Variants in ERCC6L observed in about 807,000 individuals in gnomAD.
The protein encoded by ERCC6L is ERCC excision repair 6 like, spindle assembly checkpoint helicase, also known as DNA excision repair protein ERCC-6-like.
A neutral mutation model predicts 20.1 loss-of-function variants in ERCC6L; 7 were observed. The ratio of observed to expected loss-of-function variants is 0.35; its 90% CI spans 0.20 to 0.65. The LOEUF is 0.65. ERCC6L is among the 30% of genes least tolerant of loss of function. ERCC6L has a pLI of 0.69. For missense variants in ERCC6L, 592 were observed against 892.4 expected, an observed-to-expected ratio of 0.66 and a Z score of 4.29; for synonymous variants, 278 against 331.3, an observed-to-expected ratio of 0.84 and a Z score of 1.75.
Position 72,218,703 on chromosome X carries a change from C to T in ERCC6L, c.69-10005G>A, listed in dbSNP as rs185897108. Among the ~76,000 whole-genome samples, 748 of 110,495 alleles carry T rather than the reference C, an allele frequency of 6.8e-3. 11 individuals are homozygous for T. The highest frequency in any genetic ancestry group is 0.021 in the African/African-American group (643 of 30,394). ...AGAGACGGGGTTTCACCATGTTGGC[C>T]GGGCTGGTAGCTCATCAATTTCTAC... On this transcript the variant is annotated intron_variant, in intron 1 of 1. Coordinates refer to ENST00000334463, the MANE Select transcript of ERCC6L (RefSeq NM_017669.4).
chrX:72,217,243 A>C (rs1358966641), intron 1 of ERCC6L, among the ~76,000 whole-genome samples: 6 of 111,445 alleles, frequency 5.4e-5, no homozygotes, highest in Admixed American at 1.9e-4. Flanking sequence ...GGAGTTCAAC[A>C]ACCCTGCCTG....
rs2042899102 is a variant in ERCC6L, at chrX:72,218,307, T to C, written c.69-9609A>G. 2.8e-5 allele frequency among the ~76,000 whole-genome samples: 3 copies of C among 108,272 alleles called. 1 individual carries two copies. The highest frequency in any genetic ancestry group is 4.1e-4 in the South Asian group (1 of 2,431). The allele number at this position is 108,272 out of a possible 115,157, so 94.0% of individuals were successfully genotyped here. A position where few individuals can be genotyped will look rare whatever the true frequency, so the allele number is the denominator to read the frequency against. ...AAAATTAATAATAGAGATGGGGTAT[T>C]GCCATGTTGCCCAGGCTGGTCTCAA... On this transcript the variant is annotated intron_variant, in intron 1 of 1. Transcript: ENST00000334463.
chrX:72,208,463 C>G lies in ERCC6L; in HGVS notation c.304G>C (p.Glu102Gln), dbSNP rs2042833839. 5.8e-6 allele frequency: 7 copies of G among 1,211,633 alleles called. No individual in the cohort carries two copies. Among genetic ancestry groups the G allele is most frequent in the Non-Finnish European group, 7.8e-6 (7 of 895,387 alleles). Residue 102 changes from glutamate to glutamine, a missense_variant, in exon 2 of 2, where the codon GAA (glutamate) becomes CAA (glutamine). Transcript: ENST00000334463. The stretch of plus-strand genomic sequence containing the variant: ...AGGCTATAGAGGAAAGCTATGCCTT[C>G]CTTCTGGTGCTCAAAGAGTTGGTTG... ...LHNQLFEHQK[E>Q]GIAFLYSLYR... is the part of the protein sequence containing the mutation.
Position 72,206,624 on chromosome X carries a change from T to C in ERCC6L, c.2143A>G (p.Lys715Glu), listed in dbSNP as rs2042822170. ...QFLVEFESQN[K>E]EFLMEQQRTR... is the part of the protein sequence containing the mutation. ...CTTTGTTGTTCCATCAGGAACTCTT[T>C]ATTTTGAGACTCGAATTCAACGAGG... The change falls in exon 2 of 2, where the codon AAA becomes GAA. Residue 715 changes from lysine (K) to glutamate (E), a missense_variant. Coordinates refer to ENST00000334463, the MANE Select transcript of ERCC6L (RefSeq NM_017669.4). The C allele has an allele frequency of 8.3e-7, 1 of 1,209,784 alleles. No homozygotes were observed. Among genetic ancestry groups the C allele is most frequent in the South Asian group, 1.8e-5 (1 of 56,704 alleles).
intron 1 of ERCC6L, among the ~76,000 whole-genome samples, chrX:72,222,534 A>G (rs1256780699): frequency 9.0e-6 from 1 of 110,816 alleles, no homozygotes; most frequent in Non-Finnish European, 1.9e-5. Context: ...AAAAATGCCC[A>G]TAAGGCAGTT....
chrX:72,217,978 A>G (rs1254572862), intron 1 of ERCC6L, among the ~76,000 whole-genome samples: 1 of 111,933 alleles, frequency 8.9e-6, no homozygotes, highest in African/African-American at 3.2e-5. Context: ...TCTTTAAATA[A>G]TAGAGATGGG....
At chrX:72,234,740 A>C (rs1362881749) in intron 1 of ERCC6L, among the ~76,000 whole-genome samples, 1 of 111,571 alleles carries the variant, frequency 9.0e-6, no homozygotes, top group Non-Finnish European at 1.9e-5. Flanking sequence ...GGCAAAGAAC[A>C]CAGAGGGAAT....
At chrX:72,228,758 T>C (rs1011946780) in intron 1 of ERCC6L, among the ~76,000 whole-genome samples, 9 of 111,162 alleles carry the variant, frequency 8.1e-5, no homozygotes, top group Non-Finnish European at 1.7e-4. Flanking sequence ...TGTTTTTTTT[T>C]CAATACAAAT....
Position 72,234,379 on chromosome X carries a change from A to G in ERCC6L, c.68+4465T>C, listed in dbSNP as rs776116546. On this transcript the variant is annotated intron_variant, in intron 1 of 1. Coordinates refer to ENST00000334463, the MANE Select transcript of ERCC6L (RefSeq NM_017669.4). Reference sequence around the variant, plus strand: ...AGATTGAGAATTGACTGTTGGATTTAGTTATATGAATGTCATTGGTGACTT... The same window carrying G: ...AGATTGAGAATTGACTGTTGGATTTGGTTATATGAATGTCATTGGTGACTT... 2.5e-4 allele frequency among the ~76,000 whole-genome samples: 28 copies of G among 112,188 alleles called. No homozygotes were observed. In the South Asian group the frequency reaches 3.7e-3, roughly 15 times the overall value.
Position 72,206,014 on chromosome X carries a change from G to T in ERCC6L, c.2753C>A (p.Ala918Asp). 4.1e-6 allele frequency: 5 copies of T among 1,211,636 alleles called. No individual in the cohort carries two copies. The South Asian group carries it at 8.8e-5, about 21-fold the overall frequency. The stretch of plus-strand genomic sequence containing the variant: ...ACTATGGGATGCTGAAAGGTCATCA[G>T]CTATTTCAATAATGGATACATTTGA... ...AESNVSIIEI[A>D]DDLSASHSAL... The change falls in exon 2 of 2, where the codon GCT (alanine) becomes GAT (aspartate). Residue 918 changes from alanine (A) to aspartate (D), a missense_variant. Transcript: ENST00000334463.
Position 72,208,242 on chromosome X carries a change from G to A in ERCC6L, c.525C>T (p.Thr175=), listed in dbSNP as rs753051049. ...IKWTPGMRVK[T]FHGPSKDERT... ...GTTCATCCTTGCTAGGACCATGAAA[G>A]GTTTTGACTCTCATTCCTGGAGTCC... is the stretch of plus-strand genomic sequence containing the variant. Residue 175 remains threonine, a synonymous_variant, in exon 2 of 2, where the codon ACC becomes ACT. Transcript: ENST00000334463. The A allele has an allele frequency of 8.3e-7, 1 of 1,209,847 alleles. No individual in the cohort carries two copies. Among genetic ancestry groups the A allele is most frequent in the African/African-American group, 1.7e-5 (1 of 57,146 alleles).
rs1214403206 is a variant in ERCC6L at position 72,205,082 on chromosome X, T to C, written c.3685A>G (p.Ile1229Val). 8.3e-7 allele frequency: 1 copy of C among 1,211,088 alleles called. No individual in the cohort carries two copies. The highest frequency in any genetic ancestry group is 1.1e-6 in the Non-Finnish European group (1 of 895,234). The change falls in exon 2 of 2, where the codon ATA (isoleucine) becomes GTA (valine). Residue 1229 changes from isoleucine to valine, a missense_variant. Around this residue, in one of 3 missense-constraint regions of ERCC6L, gnomAD observed 352 missense variants for 402.6 expected, o/e 0.87. Transcript: ENST00000334463. Reference protein sequence around the residue: ...ALNCLVKALDIKSADPEVMLL... With the variant: ...ALNCLVKALDVKSADPEVMLL... ...ATAACTTCAGGATCTGCACTTTTTA[T>C]GTCAAGCGCTTTAACTAAGCAGTTT...
chrX:72,229,977 C>A (rs1210036325), intron 1 of ERCC6L, among the ~76,000 whole-genome samples: 1 of 110,122 alleles, frequency 9.1e-6, no homozygotes, highest in Admixed American at 9.7e-5. Context: ...AGATAGAGAC[C>A]ATCCTGGCTA....
chrX:72,224,644 C>G (rs2033763346), intron 1 of ERCC6L, among the ~76,000 whole-genome samples: 1 of 111,350 alleles, frequency 9.0e-6, no homozygotes, highest in South Asian at 3.8e-4. Flanking sequence ...TACTCGGAGG[C>G]TGAGGCAAGA....
intron 1 of ERCC6L, among the ~76,000 whole-genome samples, chrX:72,218,414 C>G (rs1265864530): frequency 9.0e-6 from 1 of 110,846 alleles, no homozygotes; most frequent in Non-Finnish European, 1.9e-5. Flanking sequence ...GGCTAAACTA[C>G]TCTTTTTCAA....
intron 1 of ERCC6L, among the ~76,000 whole-genome samples, chrX:72,208,996 A>G (rs1461227522): frequency 1.8e-5 from 2 of 111,679 alleles, no homozygotes; most frequent in Admixed American, 9.5e-5. Flanking sequence ...GTATGAAGTG[A>G]TATTTTTTGT....
intron 1 of ERCC6L, among the ~76,000 whole-genome samples, chrX:72,211,317 C>G (rs988017616): frequency 4.5e-5 from 5 of 110,115 alleles, no homozygotes; most frequent in African/African-American, 1.6e-4. Context: ...GTAACCAGTT[C>G]AGGACAAAGA....
At position 72,205,358 on chromosome X, in the gene ERCC6L, C is replaced by T. The variant is rs754122902; in HGVS notation, c.3409G>A (p.Glu1137Lys). ...PEEGVEESSG[E>K]ASKYTEEDPS... ...TCCTCTTCTGTATACTTGGAGGCTT[C>T]GCCACTGCTTTCCTCCACCCCTTCT... The change falls in exon 2 of 2, where the codon GAA becomes AAA. Residue 1137 changes from glutamate (E) to lysine (K), a missense_variant. Physicochemically the swap from Glu to Lys is moderately conservative, Grantham distance 56. Coordinates refer to ENST00000334463, the MANE Select transcript of ERCC6L (RefSeq NM_017669.4). 13 of 1,210,358 alleles carry T rather than the reference C, an allele frequency of 1.1e-5. No individual in the cohort carries two copies. Among genetic ancestry groups the T allele is most frequent in the South Asian group, 5.3e-5 (3 of 56,833 alleles).
At chrX:72,227,620 A>G (rs1003199509) in intron 1 of ERCC6L, among the ~76,000 whole-genome samples, 2 of 111,216 alleles carry the variant, frequency 1.8e-5, no homozygotes, top group Admixed American at 9.6e-5. Context: ...ATTTGGGAAT[A>G]TGCTGACAAA....
Sources: gnomAD v4.1 joint callset for allele counts (sites outside exome capture counted in the v4.1 genomes callset) on GRCh38, gnomAD v4.1.1 for gene constraint, gnomAD v4.1.1 regional missense constraint, MANE v1.5 for transcripts, NCBI Gene and HGNC (gene_info 2026-07-23, HGNC 2026-07-21) for gene names.